ST3GAL3: variants seen among roughly 807,000 people sequenced by gnomAD.
The protein encoded by ST3GAL3 is CMP-N-acetylneuraminate-beta-1,4-galactoside alpha-2,3-sialyltransferase.
In ST3GAL3, 21 loss-of-function variants were observed where a neutral mutation model predicts 50.1. That is an observed-to-expected ratio of 0.42 (90% CI 0.30 to 0.60). The LOEUF (loss-of-function observed/expected upper bound fraction) is 0.60. ST3GAL3 is among the 20% of genes least tolerant of loss of function. The pLI, the probability that ST3GAL3 is intolerant of heterozygous loss-of-function variation, is 0.19. For synonymous variants in ST3GAL3, 183 were observed against 190.0 expected (o/e 0.96, Z 0.30); for missense variants, 353 against 489.4 (o/e 0.72, Z 2.63).
intron 11 of ST3GAL3, among the ~76,000 whole-genome samples, chr1:43,928,199 G>GTCT (rs2084362468): frequency 6.6e-6 from 1 of 152,154 alleles, no homozygotes; most frequent in Non-Finnish European, 1.5e-5. Flanking sequence ...TGTTGCCCAG[G>GTCT]TGGACTAAGC....
chr1:43,920,268 T>A (rs1182802349), intron 9 of ST3GAL3, 136 bp from the exon 10 acceptor site: 42 of 1,039,078 alleles, frequency 4.0e-5, no homozygotes, highest in Non-Finnish European at 5.6e-5. Context: ...ATGGGCTTCC[T>A]ACACCACAGG....
intron 2 of ST3GAL3, among the ~76,000 whole-genome samples, chr1:43,757,608 T>C (rs1688602225): frequency 6.6e-6 from 1 of 152,162 alleles, no homozygotes; most frequent in Non-Finnish European, 1.5e-5. Context: ...AAAAGAACAC[T>C]GATTCTTATT....
chr1:43,790,165 T>G (rs1020501394), intron 2 of ST3GAL3, among the ~76,000 whole-genome samples: 8 of 152,022 alleles, frequency 5.3e-5, no homozygotes, highest in African/African-American at 1.9e-4. Flanking sequence ...AGATTTGTGA[T>G]TCATTCATTT....
At chr1:43,854,157 G>A (rs942064684) in intron 5 of ST3GAL3, among the ~76,000 whole-genome samples, 8 of 152,128 alleles carry the variant, frequency 5.3e-5, no homozygotes, top group Admixed American at 1.3e-4. Flanking sequence ...CTGCAGAATC[G>A]TTGTCCTTCT....
rs2084875351 is a variant in ST3GAL3, at chr1:43,930,473, G to A, written c.*252G>A. The A allele has an allele frequency of 1.7e-6, 1 of 583,526 alleles. No individual in the cohort carries two copies. The highest frequency in any genetic ancestry group is 2.9e-5 in the Admixed American group (1 of 34,106). 36.1% of individuals were successfully genotyped at this position (583,526 alleles called of 1,614,324 possible). A position where few individuals can be genotyped will look rare whatever the true frequency, so the allele number is the denominator to read the frequency against. On this transcript the variant is annotated 3_prime_UTR_variant, in exon 12 of 12. Coordinates refer to ENST00000347631, the MANE Select transcript of ST3GAL3 (RefSeq NM_006279.5). The stretch of plus-strand genomic sequence containing the variant: ...TGGCTGTGCCCAGCAGGCCCAGCAT[G>A]CAGGTGGTGGGACACTGGGCAGCAA...
At chr1:43,723,504 C>G (rs955565720) in intron 1 of ST3GAL3, among the ~76,000 whole-genome samples, 1 of 152,202 alleles carries the variant, frequency 6.6e-6, no homozygotes, top group South Asian at 2.1e-4. Flanking sequence ...ATGCTGCTGC[C>G]TTGCTTCTTA....
intron 3 of ST3GAL3, among the ~76,000 whole-genome samples, chr1:43,794,533 C>T (rs1157026999): frequency 6.6e-6 from 1 of 152,134 alleles, no homozygotes; most frequent in African/African-American, 2.4e-5. Flanking sequence ...ATACACATAC[C>T]TGGTGACTTA....
At chr1:43,925,291 T>G in intron 11 of ST3GAL3, among the ~76,000 whole-genome samples, 2 of 17,564 alleles carry the variant, frequency 1.1e-4, no homozygotes, top group Admixed American at 1.4e-3. Context: ...AACAAGACTG[T>G]GTCTCAAAAA....
chr1:43,765,785 G>C (rs1261574060), intron 2 of ST3GAL3, among the ~76,000 whole-genome samples: 5 of 128,602 alleles, frequency 3.9e-5, no homozygotes, highest in African/African-American at 1.2e-4. Flanking sequence ...GTGTGTGTGT[G>C]CGCGCGCGCG....
At chr1:43,766,343 A>G (rs1268503262) in intron 2 of ST3GAL3, among the ~76,000 whole-genome samples, 2 of 152,150 alleles carry the variant, frequency 1.3e-5, no homozygotes. Context: ...GCTGAGACTC[A>G]CAGGAAGTAA....
intron 3 of ST3GAL3, among the ~76,000 whole-genome samples, chr1:43,803,264 C>T (rs1573159786): frequency 6.6e-6 from 1 of 151,816 alleles, no homozygotes; most frequent in Non-Finnish European, 1.5e-5. Context: ...TCTTGTAGGC[C>T]GGGCACAGTG....
intron 4 of ST3GAL3, among the ~76,000 whole-genome samples, chr1:43,826,654 G>A (rs1331602812): frequency 1.3e-5 from 2 of 152,042 alleles, no homozygotes; most frequent in Non-Finnish European, 2.9e-5. Flanking sequence ...GGAAAACTAC[G>A]GACCAATATC....
At chr1:43,725,876 G>T (rs1451796230) in intron 1 of ST3GAL3, among the ~76,000 whole-genome samples, 4 of 151,938 alleles carry the variant, frequency 2.6e-5, no homozygotes, top group African/African-American at 9.7e-5. Context: ...AACTCTTAGG[G>T]TCAAGTGATG....
At chr1:43,900,444 A>G (rs2154271541) in intron 9 of ST3GAL3, among the ~76,000 whole-genome samples, 1 of 152,248 alleles carries the variant, frequency 6.6e-6, no homozygotes, top group Admixed American at 6.5e-5. Context: ...TTAGGAGACC[A>G]CCACTGAGTT....
intron 1 of ST3GAL3, among the ~76,000 whole-genome samples, chr1:43,710,001 T>G (rs1663803091): frequency 6.6e-6 from 1 of 152,066 alleles, no homozygotes; most frequent in Non-Finnish European, 1.5e-5. Context: ...CTCAAGTTTA[T>G]TCTTACTTTT....
intron 3 of ST3GAL3, among the ~76,000 whole-genome samples, chr1:43,813,629 G>A (rs1439541469): frequency 3.9e-5 from 6 of 152,124 alleles, no homozygotes; most frequent in Non-Finnish European, 8.8e-5. Context: ...GATTTTGAAA[G>A]CAATGAGTCT....
At chr1:43,879,276 G>A (rs762857056) in intron 5 of ST3GAL3, 2 of 456,178 alleles carry the variant, frequency 4.4e-6, no homozygotes, top group Non-Finnish European at 8.8e-6. Context: ...GATCTGGGGT[G>A]AGGTGAGACG....
chr1:43,905,902 T>A (rs2079441836), intron 9 of ST3GAL3, among the ~76,000 whole-genome samples: 1 of 106,690 alleles, frequency 9.4e-6, no homozygotes, highest in African/African-American at 3.8e-5. Flanking sequence ...TTTCTTCACC[T>A]CCTCCTGTTC....
intron 3 of ST3GAL3, among the ~76,000 whole-genome samples, chr1:43,795,537 T>C (rs11210925): frequency 0.37 from 55,594 of 152,116 alleles, 10,917 homozygotes; most frequent in East Asian, 0.59. Flanking sequence ...AAGAGCTGGG[T>C]AGAGGTCTTC....
Sources: allele counts gnomAD v4.1 joint callset (sites outside exome capture counted in the v4.1 genomes callset), GRCh38; gene constraint gnomAD v4.1.1; transcripts MANE v1.5; gene names NCBI Gene and HGNC (gene_info 2026-07-23, HGNC 2026-07-21).